Variants in HMGN3 observed in about 807,000 individuals in gnomAD.
HMGN3 encodes high mobility group nucleosomal binding domain 3.
Under a neutral mutation model 18.8 loss-of-function variants are expected in HMGN3, and 6 were observed. That is an observed-to-expected ratio of 0.32 (90% CI 0.18 to 0.63). The LOEUF (loss-of-function observed/expected upper bound fraction) is 0.63. HMGN3 is among the 30% of genes least tolerant of loss of function. The pLI is 0.79. For synonymous variants in HMGN3, 40 were observed against 36.5 expected (o/e 1.10, Z -0.35); for missense variants, 107 against 114.2 (o/e 0.94, Z 0.29).
intron 1 of HMGN3, among the ~76,000 whole-genome samples, chr6:79,218,117 A>G (rs887981365): frequency 6.6e-6 from 1 of 152,234 alleles, no homozygotes; most frequent in Non-Finnish European, 1.5e-5. Context: ...ATGCCTTTTA[A>G]GGAAGCTGCT....
intron 1 of HMGN3, among the ~76,000 whole-genome samples, chr6:79,218,561 T>C (rs1475154672): frequency 2.0e-5 from 3 of 152,074 alleles, no homozygotes; most frequent in African/African-American, 7.2e-5. Context: ...AGGGAAGTCA[T>C]GGCACGATTT....
chr6:79,214,707 C>T (rs1172814205), intron 2 of HMGN3, among the ~76,000 whole-genome samples: 1 of 152,142 alleles, frequency 6.6e-6, no homozygotes, highest in Non-Finnish European at 1.5e-5. Flanking sequence ...TCTGCTTTAA[C>T]AGAAAGCAGG....
At chr6:79,227,368 T>C (rs986033889) in intron 1 of HMGN3, among the ~76,000 whole-genome samples, 2 of 152,230 alleles carry the variant, frequency 1.3e-5, no homozygotes, top group African/African-American at 4.8e-5. Context: ...TGTATTTCTA[T>C]AATTGCAGTG....
At chr6:79,222,264 TG>T (rs1445570377) in intron 1 of HMGN3, among the ~76,000 whole-genome samples, 6 of 152,322 alleles carry the variant, frequency 3.9e-5, no homozygotes, top group African/African-American at 1.2e-4. Context: ...TTACTTTTAT[TG>T]TTTTTTTTCA....
chr6:79,229,873 G>A (rs929874292), intron 1 of HMGN3, among the ~76,000 whole-genome samples: 2 of 151,222 alleles, frequency 1.3e-5, no homozygotes, highest in African/African-American at 2.4e-5. Flanking sequence ...GCCAGACTCC[G>A]CCTCCAAAAA....
At chr6:79,207,335 G>T (rs1462254891) in intron 3 of HMGN3, among the ~76,000 whole-genome samples, 1 of 152,182 alleles carries the variant, frequency 6.6e-6, no homozygotes, top group Non-Finnish European at 1.5e-5. Flanking sequence ...GGATGTGATT[G>T]AATTATGGGG....
intron 1 of HMGN3, among the ~76,000 whole-genome samples, chr6:79,223,752 T>A (rs1432257038): frequency 2.7e-5 from 4 of 147,174 alleles, no homozygotes; most frequent in African/African-American, 4.9e-5. Flanking sequence ...TTTTTTTTTT[T>A]ATGTGCTGTG....
At chr6:79,215,983 G>A (rs371117830) in intron 1 of HMGN3, among the ~76,000 whole-genome samples, 2 of 152,162 alleles carry the variant, frequency 1.3e-5, no homozygotes. Context: ...CATTTGACAC[G>A]ATGTTTGGCT....
At chr6:79,203,675 A>G in intron 3 of HMGN3, 45 bp from the exon 4 acceptor site, 1 of 1,346,854 alleles carries the variant, frequency 7.4e-7, no homozygotes, top group South Asian at 1.3e-5. Flanking sequence ...AAAAAAAAAA[A>G]ACTATCAGCA....
intron 1 of HMGN3, among the ~76,000 whole-genome samples, chr6:79,223,176 C>G (rs1167809200): frequency 6.6e-6 from 1 of 152,034 alleles, no homozygotes; most frequent in Non-Finnish European, 1.5e-5. Context: ...GCCAGGAGTT[C>G]GAGACCAGCC....
intron 1 of HMGN3, among the ~76,000 whole-genome samples, chr6:79,231,769 A>T (rs1777848244): frequency 6.6e-6 from 1 of 152,206 alleles, no homozygotes; most frequent in African/African-American, 2.4e-5. Context: ...ACCAGCCTAA[A>T]GTTAACTTTC....
chr6:79,201,643 T>C (rs2127808167), exon 6 of HMGN3: 1 of 1,282,752 alleles, frequency 7.8e-7, no homozygotes, highest in East Asian at 2.3e-5. Context: ...TTTTAAAAGT[T>C]GTCCCAAGAG....
intron 3 of HMGN3, among the ~76,000 whole-genome samples, chr6:79,208,258 G>A (rs1485949325): frequency 2.0e-5 from 3 of 152,096 alleles, no homozygotes; most frequent in Non-Finnish European, 4.4e-5. Flanking sequence ...TCTGAAGACT[G>A]GAACTTTGCC....
At chr6:79,201,952 A>G in intron 5 of HMGN3, 111 bp downstream of exon 6, 1 of 1,453,888 alleles carries the variant, frequency 6.9e-7, no homozygotes, top group Non-Finnish European at 9.0e-7. Context: ...CCACCACAGA[A>G]GCCTTACCTG....
At chr6:79,201,940 A>T in intron 5 of HMGN3, 123 bp downstream of exon 6, 2 of 1,447,334 alleles carry the variant, frequency 1.4e-6, no homozygotes, top group Admixed American at 2.8e-5. Flanking sequence ...CTGCTTTTCA[A>T]ACCACCACAG....
chr6:79,210,291 A>G (rs181480708), intron 2 of HMGN3, among the ~76,000 whole-genome samples: 12 of 152,272 alleles, frequency 7.9e-5, no homozygotes, highest in African/African-American at 2.2e-4. Flanking sequence ...CAATTACCCA[A>G]CAGAGCTCAG....
chr6:79,225,582 T>C (rs1018318772), intron 1 of HMGN3, among the ~76,000 whole-genome samples: 1 of 152,228 alleles, frequency 6.6e-6, no homozygotes, highest in African/African-American at 2.4e-5. Flanking sequence ...CGTATTTACA[T>C]GTTCCTGTTC....
At chr6:79,208,501 C>G (rs770267846) in intron 3 of HMGN3, 46 bp downstream of exon 3, 1 of 1,464,962 alleles carries the variant, frequency 6.8e-7, no homozygotes, top group Non-Finnish European at 9.6e-7. Flanking sequence ...ACAAAGGGAA[C>G]ATGTACTCAT....
At chr6:79,229,943 C>G (rs1424586534) in intron 1 of HMGN3, among the ~76,000 whole-genome samples, 1 of 152,058 alleles carries the variant, frequency 6.6e-6, no homozygotes, top group Non-Finnish European at 1.5e-5. Flanking sequence ...GAAATCTTCC[C>G]AAGAGAAATG....
Sources: allele counts gnomAD v4.1 joint callset (sites outside exome capture counted in the v4.1 genomes callset), GRCh38; gene constraint gnomAD v4.1.1; transcripts MANE v1.5; gene names NCBI Gene and HGNC (gene_info 2026-07-23, HGNC 2026-07-21).